STX18: variants seen among roughly 807,000 people sequenced by gnomAD.
STX18 encodes the protein syntaxin-18.
In STX18, 40 loss-of-function variants were observed where a neutral mutation model predicts 50.1. The ratio of observed to expected loss-of-function variants is 0.80; its 90% CI spans 0.62 to 1.04. The LOEUF is 1.04. STX18 is among the 50% of genes least tolerant of loss of function. STX18 has a pLI of 0.00. For synonymous variants in STX18, 158 were observed against 151.8 expected, an observed-to-expected ratio of 1.04 and a Z score of -0.30; for missense variants, 410 against 415.8, an observed-to-expected ratio of 0.99 and a Z score of 0.12.
chr4:4,513,238 A>AG (rs994474588), intron 1 of STX18, among the ~76,000 whole-genome samples: 31 of 152,050 alleles, frequency 2.0e-4, no homozygotes, highest in East Asian at 1.9e-4. Flanking sequence ...ATTCTGATAG[A>AG]GGGGGGGACC....
intron 2 of STX18, among the ~76,000 whole-genome samples, chr4:4,465,465 T>C (rs897847897): frequency 6.6e-6 from 1 of 152,304 alleles, no homozygotes; most frequent in South Asian, 2.1e-4. Flanking sequence ...GGGACATGGA[T>C]GGAGCTGGAA....
intron 1 of STX18, among the ~76,000 whole-genome samples, chr4:4,521,282 G>T (rs1426038600): frequency 1.3e-5 from 2 of 152,158 alleles, no homozygotes; most frequent in Admixed American, 6.5e-5. Context: ...CTATACAGAC[G>T]TATTATGAAG....
chr4:4,488,114 G>A (rs1728777216), intron 1 of STX18, among the ~76,000 whole-genome samples: 1 of 152,004 alleles, frequency 6.6e-6, no homozygotes, highest in Admixed American at 6.6e-5. Flanking sequence ...TGACAAGCAG[G>A]TAACAATTTA....
intron 1 of STX18, among the ~76,000 whole-genome samples, chr4:4,475,402 A>G (rs1434721772): frequency 6.6e-6 from 1 of 152,234 alleles, no homozygotes; most frequent in Admixed American, 6.5e-5. Context: ...ATGAAAAAAT[A>G]AAGGAACATT....
At chr4:4,440,783 C>G (rs1364173159) in intron 5 of STX18, among the ~76,000 whole-genome samples, 1 of 152,174 alleles carries the variant, frequency 6.6e-6, no homozygotes, top group East Asian at 1.9e-4. Context: ...TCACTGTTAT[C>G]AATCTTTTTA....
At chr4:4,499,902 G>C (rs1395252453) in intron 1 of STX18, among the ~76,000 whole-genome samples, 1 of 151,594 alleles carries the variant, frequency 6.6e-6, no homozygotes, top group African/African-American at 2.4e-5. Flanking sequence ...GTTTAAAACA[G>C]TTATTTGTGG....
chr4:4,527,822 T>C (rs971841194), intron 1 of STX18, among the ~76,000 whole-genome samples: 1 of 146,146 alleles, frequency 6.8e-6, no homozygotes, highest in Non-Finnish European at 1.5e-5. Context: ...ATATATATAA[T>C]TTTATATATA....
intron 1 of STX18, among the ~76,000 whole-genome samples, chr4:4,538,686 T>C (rs949941576): frequency 1.3e-5 from 2 of 151,926 alleles, no homozygotes; most frequent in Non-Finnish European, 1.5e-5. Context: ...TTAAGTAGGG[T>C]ATTATCACGT....
chr4:4,538,087 A>G (rs1731422019), intron 1 of STX18, among the ~76,000 whole-genome samples: 1 of 149,912 alleles, frequency 6.7e-6, no homozygotes. Context: ...AAATGAACAC[A>G]AGGTCCTTTT....
At chr4:4,538,604 G>GT (rs973856378) in intron 1 of STX18, among the ~76,000 whole-genome samples, 7 of 151,988 alleles carry the variant, frequency 4.6e-5, no homozygotes, top group African/African-American at 1.5e-4. Context: ...TAATCAGTCT[G>GT]TTTTTTTAAA....
intron 6 of STX18, 94 bp from the exon 7 acceptor site, chr4:4,434,952 A>G: frequency 1.3e-6 from 1 of 789,420 alleles, no homozygotes; most frequent in South Asian, 1.8e-5. Context: ...GAGATTAAAC[A>G]GAATCTTACA....
intron 1 of STX18, among the ~76,000 whole-genome samples, chr4:4,540,445 C>A (rs1224455179): frequency 6.6e-6 from 1 of 152,226 alleles, no homozygotes; most frequent in African/African-American, 2.4e-5. Flanking sequence ...CCTACCTCCA[C>A]AGCTTAGCGC....
At chr4:4,533,240 T>C (rs920590232) in intron 1 of STX18, among the ~76,000 whole-genome samples, 2 of 152,202 alleles carry the variant, frequency 1.3e-5, no homozygotes, top group African/African-American at 4.8e-5. Context: ...TTAAATGTAA[T>C]ACGCTTTAAA....
At chr4:4,492,139 A>C (rs945759590) in intron 1 of STX18, among the ~76,000 whole-genome samples, 1 of 152,114 alleles carries the variant, frequency 6.6e-6, no homozygotes. Flanking sequence ...CCTGGACAAA[A>C]ATCTTTGTTT....
intron 5 of STX18, among the ~76,000 whole-genome samples, chr4:4,450,529 C>T (rs911052886): frequency 1.3e-5 from 2 of 152,160 alleles, no homozygotes; most frequent in Non-Finnish European, 2.9e-5. Flanking sequence ...GTCCCGAACT[C>T]CCGGCCTCAA....
chr4:4,428,619 C>T (rs1725373673), intron 7 of STX18, among the ~76,000 whole-genome samples: 1 of 152,148 alleles, frequency 6.6e-6, no homozygotes, highest in African/African-American at 2.4e-5. Flanking sequence ...CCCTTCTACC[C>T]TCTAGTCTCA....
chr4:4,444,238 G>A (rs957756770), intron 5 of STX18, among the ~76,000 whole-genome samples: 1 of 152,172 alleles, frequency 6.6e-6, no homozygotes, highest in Non-Finnish European at 1.5e-5. Context: ...ACTGCCACTG[G>A]ACTGCTCTAT....
chr4:4,461,606 AG>A (rs1241830908), intron 2 of STX18, among the ~76,000 whole-genome samples: 2 of 152,246 alleles, frequency 1.3e-5, no homozygotes, highest in Non-Finnish European at 2.9e-5. Context: ...TCCTAGGAGC[AG>A]GCCAAGGCTA....
intron 1 of STX18, among the ~76,000 whole-genome samples, chr4:4,502,864 A>T (rs551152237): frequency 2.0e-5 from 3 of 152,250 alleles, no homozygotes; most frequent in South Asian, 4.1e-4. Context: ...CACATGCCCG[A>T]TGCAATCTCC....
Sources: allele counts gnomAD v4.1 joint callset (sites outside exome capture counted in the v4.1 genomes callset), GRCh38; gene constraint gnomAD v4.1.1; transcripts MANE v1.5; gene names NCBI Gene and HGNC (gene_info 2026-07-23, HGNC 2026-07-21).